Variants in LAMC2 observed in about 807,000 individuals in gnomAD.
LAMC2 encodes laminin subunit gamma 2, also known as laminin subunit gamma-2.
Under a neutral mutation model 140.2 loss-of-function variants are expected in LAMC2, and 97 were observed. That is an observed-to-expected ratio of 0.69 (90% CI 0.59 to 0.82). LAMC2 has a LOEUF of 0.82. Among genes scored for constraint, LAMC2 ranks in the 40% least tolerant of loss-of-function variants. LAMC2 has a pLI of 0.00. For synonymous variants in LAMC2, 513 were observed against 540.2 expected, an observed-to-expected ratio of 0.95 and a Z score of 0.70; for missense variants, 1,402 against 1,476.1, an observed-to-expected ratio of 0.95 and a Z score of 0.82.
chr1:183,229,359 G>A (rs183505396), intron 11 of LAMC2, among the ~76,000 whole-genome samples: 8 of 152,234 alleles, frequency 5.3e-5, no homozygotes, highest in Admixed American at 3.9e-4. Context: ...GAATGGGGCC[G>A]GGAATGGTGG....
At chr1:183,199,834 T>C (rs1229329879) in intron 1 of LAMC2, among the ~76,000 whole-genome samples, 1 of 152,026 alleles carries the variant, frequency 6.6e-6, no homozygotes, top group Non-Finnish European at 1.5e-5. Flanking sequence ...GTGCTCCTGA[T>C]AAAGGAAATA....
intron 1 of LAMC2, among the ~76,000 whole-genome samples, chr1:183,193,821 A>C (rs1316810014): frequency 2.1e-5 from 3 of 144,048 alleles, no homozygotes; most frequent in African/African-American, 7.5e-5. Context: ...ATACTCCCTG[A>C]TGTAGTCTTC....
rs10668798 is a variant in LAMC2, at chr1:183,207,835, G to GTTT, written c.80-33_80-31dup. ...CACCTGCTAGAACAGTTCCTGAGGT[G>GTTT]TTTTTTTTTTTTTTTGACGATCTCT... On this transcript the variant is annotated intron_variant, in intron 1 of 22. Coordinates refer to ENST00000264144, the MANE Select transcript of LAMC2 (RefSeq NM_005562.3). 35,955 of 1,175,294 alleles carry GTTT rather than the reference G, an allele frequency of 0.031. 423 individuals carry two copies. Among genetic ancestry groups the GTTT allele is most frequent in the African/African-American group, 0.076 (4,556 of 59,794 alleles). 72.8% of individuals were successfully genotyped at this position (1,175,294 alleles called of 1,614,324 possible).
chr1:183,197,194 G>C (rs1658546047), intron 1 of LAMC2, among the ~76,000 whole-genome samples: 1 of 152,198 alleles, frequency 6.6e-6, no homozygotes, highest in Admixed American at 6.5e-5. Context: ...GGCTATAGTG[G>C]AGATGGACTT....
At chr1:183,239,606 A>T (rs1379872460) in intron 20 of LAMC2, 43 bp downstream of exon 20, 1 of 1,505,096 alleles carries the variant, frequency 6.6e-7, no homozygotes, top group African/African-American at 1.4e-5. Flanking sequence ...GTAGCACCAA[A>T]CACAAGGGTG....
chr1:183,239,338 G>A (rs778282198), intron 19 of LAMC2, 26 bp from the exon 20 acceptor site: 4 of 1,608,584 alleles, frequency 2.5e-6, no homozygotes, highest in Non-Finnish European at 3.4e-6. Flanking sequence ...CATCTTCACG[G>A]CAGTTTTTTC....
chr1:183,213,453 C>T (rs190177517), intron 2 of LAMC2, among the ~76,000 whole-genome samples: 36 of 152,198 alleles, frequency 2.4e-4, no homozygotes, highest in Non-Finnish European at 4.6e-4. Flanking sequence ...AAACATGTAG[C>T]GACTGGTCAA....
At position 183,220,851 on chromosome 1, in the gene LAMC2, A is replaced by G; in HGVS notation, c.530A>G (p.Asp177Gly). ...DRCRSGYYNL[D>G]GGNPEGCTQC... ...TGTCGATCAGGTTACTATAATCTGG[A>G]TGGGGGGAACCCTGAGGGCTGTACC... The change falls in exon 5 of 23, where the codon GAT (aspartate) becomes GGT (glycine). Residue 177 changes from aspartate to glycine, a missense_variant. Asp to Gly is a moderately conservative substitution (Grantham distance 94). Coordinates refer to ENST00000264144, the MANE Select transcript of LAMC2 (RefSeq NM_005562.3). 6.2e-7 allele frequency: 1 copy of G among 1,613,946 alleles called. No homozygotes were observed. The highest frequency in any genetic ancestry group is 8.5e-7 in the Non-Finnish European group (1 of 1,179,808).
chr1:183,211,703 G>T (rs764978091), intron 2 of LAMC2, among the ~76,000 whole-genome samples: 37 of 151,982 alleles, frequency 2.4e-4, no homozygotes, highest in Non-Finnish European at 3.5e-4. Context: ...TGGAGACAGG[G>T]TCTATGTTGC....
intron 4 of LAMC2, among the ~76,000 whole-genome samples, chr1:183,219,710 C>T (rs1342578745): frequency 6.6e-6 from 1 of 152,138 alleles, no homozygotes; most frequent in Non-Finnish European, 1.5e-5. Flanking sequence ...TCTTTTAACT[C>T]TTGCTCTTAG....
chr1:183,222,586 T>TA (rs67525678), intron 6 of LAMC2, among the ~76,000 whole-genome samples: 127 of 147,426 alleles, frequency 8.6e-4, no homozygotes, highest in Middle Eastern at 3.6e-3. Context: ...ACCTGTAAGT[T>TA]AAAAAAAAAA....
At chr1:183,256,243 C>T in the LAMC2 span, among the ~76,000 whole-genome samples, 1 of 151,564 alleles carries the variant, frequency 6.6e-6, no homozygotes. Context: ...CTGTCTCTAC[C>T]AAAAATACAC....
intron 2 of LAMC2, among the ~76,000 whole-genome samples, chr1:183,211,100 A>C (rs929950453): frequency 1.3e-5 from 2 of 152,264 alleles, no homozygotes; most frequent in Admixed American, 1.3e-4. Flanking sequence ...AATAAACCCC[A>C]GAGTAGTCAC....
At chr1:183,233,617 A>C (rs553549619) in intron 14 of LAMC2, among the ~76,000 whole-genome samples, 1 of 152,358 alleles carries the variant, frequency 6.6e-6, no homozygotes, top group East Asian at 1.9e-4. Flanking sequence ...TGTTGTAGAA[A>C]ATAAATAAAA....
intron 2 of LAMC2, among the ~76,000 whole-genome samples, chr1:183,212,334 C>T (rs1268713490): frequency 1.3e-5 from 2 of 152,286 alleles, no homozygotes; most frequent in Middle Eastern, 3.4e-3. Flanking sequence ...TGACCACTCA[C>T]AGAGCAATGA....
At chr1:183,214,815 G>A (rs1212926668) in intron 2 of LAMC2, among the ~76,000 whole-genome samples, 2 of 152,026 alleles carry the variant, frequency 1.3e-5, no homozygotes, top group South Asian at 4.2e-4. Flanking sequence ...GTTGCCCTGA[G>A]TTTTTCATGA....
intron 1 of LAMC2, 111 bp downstream of exon 1, chr1:183,186,542 C>A: frequency 8.3e-7 from 1 of 1,205,826 alleles, no homozygotes; most frequent in Non-Finnish European, 1.2e-6. Context: ...TGTCCAGAAA[C>A]TTGTTAGAGC....
rs1416092940 is a variant in LAMC2 at position 183,228,425 on chromosome 1, A to C, written c.1520A>C (p.Glu507Ala). Residue 507 changes from glutamate to alanine, a missense_variant, in exon 11 of 23, where the codon GAA becomes GCA. Coordinates refer to ENST00000264144, the MANE Select transcript of LAMC2 (RefSeq NM_005562.3). The surrounding 1 kb of genome is among the most constrained non-coding windows in gnomAD (Gnocchi z 4.3). Reference protein sequence around the residue: ...ADGYFGDPFGEHGPVRPCQPC... With the variant: ...ADGYFGDPFGAHGPVRPCQPC... ...GGCTACTTTGGGGACCCCTTTGGTG[A>C]ACATGGCCCAGTGAGGCCTTGTCAG... 1.2e-6 allele frequency: 2 copies of C among 1,613,852 alleles called. No individual in the cohort carries two copies.
At chr1:183,214,765 A>C (rs1437414191) in intron 2 of LAMC2, among the ~76,000 whole-genome samples, 1 of 152,162 alleles carries the variant, frequency 6.6e-6, no homozygotes, top group East Asian at 1.9e-4. Flanking sequence ...GTGGAAAGGC[A>C]GGTGGTGAGA....
Sources: gnomAD v4.1 joint callset for allele counts (sites outside exome capture counted in the v4.1 genomes callset) on GRCh38, gnomAD v4.1.1 for gene constraint, Gnocchi (gnomAD v3.1) non-coding constraint, MANE v1.5 for transcripts, NCBI Gene and HGNC (gene_info 2026-07-23, HGNC 2026-07-21) for gene names.